CAMTA1: variants seen among roughly 807,000 people sequenced by gnomAD.
CAMTA1 encodes the protein calmodulin binding transcription activator 1, also known as calmodulin-binding transcription activator 1.
Under a neutral mutation model 170.9 loss-of-function variants are expected in CAMTA1, and 27 were observed. The ratio of observed to expected loss-of-function variants is 0.16; its 90% confidence interval spans 0.12 to 0.22. The LOEUF is 0.22. Among genes scored for constraint, CAMTA1 ranks in the 10% least tolerant of loss-of-function variants. The pLI, the probability that CAMTA1 is intolerant of heterozygous loss-of-function variation, is 1.00. For missense variants in CAMTA1, 1,619 were observed against 2,217.2 expected (o/e 0.73, Z 5.42); for synonymous variants, 833 against 891.5 (o/e 0.93, Z 1.17).
Position 7,435,409 on chromosome 1 carries a change from C to T in CAMTA1, c.439-32421C>T, listed in dbSNP as rs966268105. Among the ~76,000 whole-genome samples, 1 of 152,184 alleles carries T rather than the reference C, an allele frequency of 6.6e-6. No homozygotes were observed. The highest frequency in any genetic ancestry group is 2.4e-5 in the African/African-American group (1 of 41,432). On this transcript the variant is annotated intron_variant, in intron 5 of 22. Transcript: ENST00000303635. This position sits in a 1 kb window ranked among gnomAD's most constrained non-coding sequence, Gnocchi z 4.4. ...CAAGTTTGGGACTCCTGTACCTCTC[C>T]CTGTGGGATCCCTGCCCTAGGCTGG...
chr1:7,419,498 C>A (rs905872641), intron 5 of CAMTA1, among the ~76,000 whole-genome samples: 3 of 152,094 alleles, frequency 2.0e-5, no homozygotes, highest in African/African-American at 7.2e-5. Context: ...CCCAGGGCTC[C>A]CTTCCTGGGC....
chr1:6,964,703 C>T (rs187729726), intron 3 of CAMTA1, among the ~76,000 whole-genome samples: 68 of 152,326 alleles, frequency 4.5e-4, no homozygotes, highest in African/African-American at 1.5e-3. Flanking sequence ...TCCCCGCAGA[C>T]GCTGTTTTGC....
At chr1:7,672,822 A>T (rs1175252304) in intron 10 of CAMTA1, among the ~76,000 whole-genome samples, 1 of 151,940 alleles carries the variant, frequency 6.6e-6, no homozygotes, top group Admixed American at 6.6e-5. Context: ...TTCCCCAAAA[A>T]GTTCCCAGGA....
chr1:7,725,297 A>G (rs888592973), intron 11 of CAMTA1, among the ~76,000 whole-genome samples: 2 of 152,264 alleles, frequency 1.3e-5, no homozygotes, highest in African/African-American at 4.8e-5. Flanking sequence ...ACACCTGGAA[A>G]GACAGCCCAT....
At chr1:7,574,379 G>A (rs1406746225) in intron 6 of CAMTA1, among the ~76,000 whole-genome samples, 1 of 152,190 alleles carries the variant, frequency 6.6e-6, no homozygotes, top group African/African-American at 2.4e-5. Context: ...CCCCCATCAG[G>A]GAGCCCTGGC....
At chr1:6,878,138 A>G (rs1345840658) in intron 3 of CAMTA1, among the ~76,000 whole-genome samples, 1 of 152,234 alleles carries the variant, frequency 6.6e-6, no homozygotes, top group Non-Finnish European at 1.5e-5. Context: ...TGGCTTTTCG[A>G]TCTTGCAAAC....
At chr1:6,805,768 C>G (rs551146276) in intron 1 of CAMTA1, among the ~76,000 whole-genome samples, 8 of 152,190 alleles carry the variant, frequency 5.3e-5, no homozygotes, top group African/African-American at 1.9e-4. Flanking sequence ...GCCTTGGCCT[C>G]CCAAAATGCT....
chr1:7,309,805 A>C (rs1336205714), intron 5 of CAMTA1, among the ~76,000 whole-genome samples: 5 of 152,066 alleles, frequency 3.3e-5, no homozygotes, highest in Non-Finnish European at 5.9e-5. Context: ...TTCAAGTGGA[A>C]CATAGCAAGC....
In CAMTA1 at chr1:7,261,698, G is replaced by A. The variant is rs1435544992; in HGVS notation, c.438+12072G>A. Among the ~76,000 whole-genome samples the A allele has an allele frequency of 5.3e-5, 8 of 152,174 alleles. No homozygotes were observed. The South Asian group carries it at 8.3e-4, about 16-fold the overall frequency. On this transcript the variant is annotated intron_variant, in intron 5 of 22. Coordinates refer to ENST00000303635, the MANE Select transcript of CAMTA1 (RefSeq NM_015215.4). ...AGGGAGGGCTTTGCTGAAGGCATCC[G>A]GCATGTGGCGCCCCAGCCATCACCT...
At chr1:6,944,881 C>T (rs759788099) in intron 3 of CAMTA1, among the ~76,000 whole-genome samples, 34 of 152,266 alleles carry the variant, frequency 2.2e-4, no homozygotes, top group Non-Finnish European at 2.9e-4. Context: ...ATGCTCTGAG[C>T]ATATTTAAGG....
chr1:7,560,474 G>A (rs2094941749), intron 6 of CAMTA1, among the ~76,000 whole-genome samples: 1 of 152,138 alleles, frequency 6.6e-6, no homozygotes, highest in African/African-American at 2.4e-5. Context: ...TTTCTCCTCT[G>A]TGAAATGAGC....
At chr1:7,710,270 A>G (rs998262087) in intron 11 of CAMTA1, among the ~76,000 whole-genome samples, 1 of 152,176 alleles carries the variant, frequency 6.6e-6, no homozygotes, top group African/African-American at 2.4e-5. Context: ...CTAATGCTGC[A>G]AGTGACAAAA....
At chr1:7,335,630 A>C (rs985899449) in intron 5 of CAMTA1, among the ~76,000 whole-genome samples, 1 of 152,174 alleles carries the variant, frequency 6.6e-6, no homozygotes, top group African/African-American at 2.4e-5. Flanking sequence ...CACACAGAGG[A>C]AGAGTGAGGC....
At position 7,588,327 on chromosome 1, in the gene CAMTA1, G is replaced by A. The variant is rs1268294542; in HGVS notation, c.511-52073G>A. 6.6e-6 allele frequency among the ~76,000 whole-genome samples: 1 copy of A among 151,062 alleles called. No individual in the cohort carries two copies. The highest frequency in any genetic ancestry group is 2.5e-5 in the African/African-American group (1 of 40,338). The stretch of plus-strand genomic sequence containing the variant: ...GGGTCTGTCAGGTCTGGTGAGAGGT[G>A]GCTCTGCAGTCTGGAGCCCTTTGCT... On this transcript the variant is annotated intron_variant, in intron 6 of 22. Coordinates refer to ENST00000303635, the MANE Select transcript of CAMTA1 (RefSeq NM_015215.4). The surrounding 1 kb of genome is among the most constrained non-coding windows in gnomAD (Gnocchi z 5.8).
intron 3 of CAMTA1, among the ~76,000 whole-genome samples, chr1:7,086,015 C>A (rs938933763): frequency 6.6e-6 from 1 of 152,134 alleles, no homozygotes; most frequent in Non-Finnish European, 1.5e-5. Flanking sequence ...GGTCTGCAGG[C>A]ACCAAACTGT....
intron 3 of CAMTA1, among the ~76,000 whole-genome samples, chr1:6,969,285 T>G (rs773615771): frequency 2.2e-4 from 34 of 151,808 alleles, no homozygotes; most frequent in Non-Finnish European, 4.1e-4. Context: ...GGAGGTGGTG[T>G]TTGTGGTTTG....
At chr1:7,589,157 G>C (rs2095335266) in intron 6 of CAMTA1, among the ~76,000 whole-genome samples, 1 of 152,188 alleles carries the variant, frequency 6.6e-6, no homozygotes, top group Admixed American at 6.5e-5. Flanking sequence ...TCTTTCTTGA[G>C]GGCCGACAGG....
intron 5 of CAMTA1, among the ~76,000 whole-genome samples, chr1:7,345,287 T>C (rs1484831834): frequency 6.6e-6 from 1 of 152,242 alleles, no homozygotes; most frequent in African/African-American, 2.4e-5. Context: ...GTTTCAGAAA[T>C]CCTTCCCTAT....
At chr1:7,371,799 G>T (rs778865586) in intron 5 of CAMTA1, among the ~76,000 whole-genome samples, 16 of 152,178 alleles carry the variant, frequency 1.1e-4, no homozygotes, top group Non-Finnish European at 1.9e-4. Context: ...AAATCTTCTG[G>T]TTCAGTGGTT....
Sources: gnomAD v4.1 joint callset for allele counts (sites outside exome capture counted in the v4.1 genomes callset) on GRCh38, gnomAD v4.1.1 for gene constraint, Gnocchi (gnomAD v3.1) non-coding constraint, MANE v1.5 for transcripts, NCBI Gene and HGNC (gene_info 2026-07-23, HGNC 2026-07-21) for gene names.